GMDS: variants seen among roughly 807,000 people sequenced by gnomAD.
GMDS encodes GDP-mannose 4,6 dehydratase.
A neutral mutation model predicts 49.9 loss-of-function variants in GMDS; 20 were observed. The ratio of observed to expected loss-of-function variants is 0.40; its 90% CI spans 0.28 to 0.58. The LOEUF (loss-of-function observed/expected upper bound fraction) is 0.58. Among genes scored for constraint, GMDS ranks in the 20% least tolerant of loss-of-function variants. GMDS has a pLI of 0.42. For synonymous variants in GMDS, 177 were observed against 178.6 expected (o/e 0.99, Z 0.07); for missense variants, 362 against 481.4 (o/e 0.75, Z 2.32).
chr6:1,761,002 T>C (rs1408529291), intron 7 of GMDS, among the ~76,000 whole-genome samples: 7 of 152,102 alleles, frequency 4.6e-5, no homozygotes, highest in African/African-American at 1.4e-4. Flanking sequence ...AAAACAATGA[T>C]TGTAACTGTA....
At chr6:1,716,679 C>A (rs1036735257) in intron 9 of GMDS, among the ~76,000 whole-genome samples, 15 of 152,138 alleles carry the variant, frequency 9.9e-5, no homozygotes, top group Non-Finnish European at 1.9e-4. Flanking sequence ...GGGCCACCCA[C>A]CCACTCCACC....
At chr6:2,103,991 G>A (rs756582919) in intron 4 of GMDS, among the ~76,000 whole-genome samples, 6 of 152,142 alleles carry the variant, frequency 3.9e-5, no homozygotes, top group Admixed American at 6.5e-5. Context: ...TTGAGCAAAC[G>A]TTCCCAGGGA....
intron 9 of GMDS, among the ~76,000 whole-genome samples, chr6:1,639,224 T>C (rs1209650646): frequency 6.6e-6 from 1 of 152,174 alleles, no homozygotes; most frequent in Non-Finnish European, 1.5e-5. Context: ...ACTGAGGCAC[T>C]TGCAGAAACA....
In GMDS at chr6:2,134,561, T is replaced by C. The variant is rs533738623; in HGVS notation, c.103-9830A>G. Among the ~76,000 whole-genome samples the C allele has an allele frequency of 1.4e-3, 212 of 152,354 alleles. 1 individual carries two copies. The highest frequency in any genetic ancestry group is 4.5e-3 in the African/African-American group (189 of 41,582). On this transcript the variant is annotated intron_variant, in intron 1 of 10. Transcript: ENST00000380815. ...AGGCCGAAGTGAGTCTTACCTTCAGTGTAGAAGCTGAAAAGCAGGTAGGTG... is the reference window on the plus strand; with the variant it reads ...AGGCCGAAGTGAGTCTTACCTTCAGCGTAGAAGCTGAAAAGCAGGTAGGTG...
At chr6:1,739,818 G>A (rs1355215675) in intron 8 of GMDS, among the ~76,000 whole-genome samples, 1 of 152,198 alleles carries the variant, frequency 6.6e-6, no homozygotes, top group African/African-American at 2.4e-5. Flanking sequence ...GGAGCACCAG[G>A]TACCTAAGGC....
At chr6:2,041,625 G>C (rs1769686974) in intron 4 of GMDS, among the ~76,000 whole-genome samples, 1 of 152,174 alleles carries the variant, frequency 6.6e-6, no homozygotes, top group Non-Finnish European at 1.5e-5. Flanking sequence ...GAAGAGGTGG[G>C]GAGCAGGCTG....
In GMDS at chr6:1,681,993, CT is replaced by C. The variant is rs533083176; in HGVS notation, c.987+44422del. ...TACAGGCGTGAACCACTGTGCCTGG[CT>C]TTTTTTTTTTCTTAATATGGAAAGA... On this transcript the variant is annotated intron_variant, in intron 9 of 10. Transcript: ENST00000380815. 5.5e-3 allele frequency among the ~76,000 whole-genome samples: 811 copies of C among 146,560 alleles called. 18 individuals carry two copies. The highest frequency in any genetic ancestry group is 0.039 in the Admixed American group (575 of 14,704).
At chr6:2,030,499 T>C (rs1161924580) in intron 4 of GMDS, among the ~76,000 whole-genome samples, 1 of 152,208 alleles carries the variant, frequency 6.6e-6, no homozygotes. Flanking sequence ...AAAATGCATA[T>C]AAAACCCTTT....
intron 4 of GMDS, among the ~76,000 whole-genome samples, chr6:1,989,754 C>T (rs1437638807): frequency 1.3e-5 from 2 of 152,226 alleles, no homozygotes; most frequent in African/African-American, 4.8e-5. Flanking sequence ...AATCACACTC[C>T]TGGCTAGCTG....
intron 7 of GMDS, among the ~76,000 whole-genome samples, chr6:1,883,583 A>ATGAGCTCACTT (rs1759466783): frequency 6.6e-6 from 1 of 152,164 alleles, no homozygotes. Context: ...TCTCAGATAC[A>ATGAGCTCACTT]TGAGCTCACT....
intron 1 of GMDS, among the ~76,000 whole-genome samples, chr6:2,213,708 A>G (rs1780178931): frequency 6.6e-6 from 1 of 152,162 alleles, no homozygotes; most frequent in Non-Finnish European, 1.5e-5. Flanking sequence ...GCATTAGAGG[A>G]CACAGCAGGA....
chr6:2,089,756 A>T (rs921837584), intron 4 of GMDS, among the ~76,000 whole-genome samples: 1 of 152,198 alleles, frequency 6.6e-6, no homozygotes, highest in Non-Finnish European at 1.5e-5. Flanking sequence ...CTAAATCCTG[A>T]GTTTAAAATG....
intron 9 of GMDS, among the ~76,000 whole-genome samples, chr6:1,673,278 C>T (rs1330780076): frequency 6.6e-6 from 1 of 152,136 alleles, no homozygotes; most frequent in Non-Finnish European, 1.5e-5. Flanking sequence ...GGGACCACAT[C>T]CATTCCCCTC....
chr6:1,946,623 A>G (rs965121251), intron 6 of GMDS, among the ~76,000 whole-genome samples: 3 of 152,254 alleles, frequency 2.0e-5, no homozygotes, highest in Non-Finnish European at 4.4e-5. Flanking sequence ...TAAAAATTCC[A>G]GTATCAGATG....
chr6:2,124,672 C>T lies in GMDS; in HGVS notation c.147+15G>A, dbSNP rs530492755. Reference sequence around the variant, plus strand: ...ACCCCACCAGCCTGCGCCCGCTTCCCATTGAGTCACCCACCTCATAGCCTT... The same window carrying T: ...ACCCCACCAGCCTGCGCCCGCTTCCTATTGAGTCACCCACCTCATAGCCTT... On this transcript the variant is annotated intron_variant, in intron 2 of 10. Transcript: ENST00000380815. 53 of 1,609,956 alleles carry T rather than the reference C, an allele frequency of 3.3e-5. No individual in the cohort carries two copies. The highest frequency in any genetic ancestry group is 4.3e-5 in the Non-Finnish European group (51 of 1,176,434).
At chr6:1,935,660 A>G (rs1315851613) in intron 6 of GMDS, among the ~76,000 whole-genome samples, 1 of 152,222 alleles carries the variant, frequency 6.6e-6, no homozygotes, top group African/African-American at 2.4e-5. Context: ...TTGGCTTTCA[A>G]TATTAACTCA....
chr6:1,707,819 G>A (rs1561745638), intron 9 of GMDS, among the ~76,000 whole-genome samples: 2 of 152,190 alleles, frequency 1.3e-5, no homozygotes, highest in Non-Finnish European at 2.9e-5. Context: ...GTAACTAGAC[G>A]CAGTTAAAAT....
At chr6:1,744,825 GGGTCCC>G (rs1767416717) in intron 7 of GMDS, among the ~76,000 whole-genome samples, 1 of 152,272 alleles carries the variant, frequency 6.6e-6, no homozygotes, top group Admixed American at 6.5e-5. Flanking sequence ...TCCCGGACCA[GGGTCCC>G]AAGTCTAGCC....
chr6:1,759,982 C>T (rs1016610653), intron 7 of GMDS, among the ~76,000 whole-genome samples: 2 of 151,370 alleles, frequency 1.3e-5, no homozygotes, highest in African/African-American at 4.9e-5. Context: ...AAGACATTTG[C>T]AGTAAGAGAC....
Sources: gnomAD v4.1 joint callset for allele counts (sites outside exome capture counted in the v4.1 genomes callset) on GRCh38, gnomAD v4.1.1 for gene constraint, MANE v1.5 for transcripts, NCBI Gene and HGNC (gene_info 2026-07-23, HGNC 2026-07-21) for gene names.